Variants in RTL4 observed in about 807,000 individuals in gnomAD.
RTL4 encodes retrotransposon Gag-like protein 4.
A neutral mutation model predicts 5.3 loss-of-function variants in RTL4; 4 were observed. The observed-to-expected ratio is 0.75, with a 90% confidence interval of 0.37 to 1.72. RTL4 has a LOEUF of 1.72. Among genes scored for constraint, RTL4 ranks in the 40% most tolerant of loss-of-function variants. The pLI, the probability that RTL4 is intolerant of heterozygous loss-of-function variation, is 0.04. For synonymous variants in RTL4, 98 were observed against 87.3 expected (o/e 1.12, Z -0.68); for missense variants, 260 against 227.1 (o/e 1.14, Z -0.93).
chrX:112,269,145 C>A, the RTL4 span, among the ~76,000 whole-genome samples: 1 of 112,143 alleles, frequency 8.9e-6, no homozygotes, highest in Non-Finnish European at 1.9e-5. Context: ...GGATAATAGT[C>A]CATGTAAACT....
At chrX:112,196,541 GT>G in the RTL4 span, among the ~76,000 whole-genome samples, 2 of 110,711 alleles carry the variant, frequency 1.8e-5, no homozygotes, top group African/African-American at 3.3e-5. Context: ...TTGCATACTA[GT>G]TTTTTTTTAA....
At chrX:112,178,693 C>T in the RTL4 span, among the ~76,000 whole-genome samples, 2 of 111,524 alleles carry the variant, frequency 1.8e-5, no homozygotes, top group African/African-American at 6.5e-5. Flanking sequence ...TGTGATAGCA[C>T]CTGCGAATTG....
the RTL4 span, among the ~76,000 whole-genome samples, chrX:112,132,071 G>A: frequency 9.0e-6 from 1 of 111,532 alleles, no homozygotes; most frequent in East Asian, 2.8e-4. Flanking sequence ...TGTCTCTAGA[G>A]CCCATAATTT....
chrX:112,212,339 G>A, the RTL4 span, among the ~76,000 whole-genome samples: 1 of 111,626 alleles, frequency 9.0e-6, no homozygotes, highest in Non-Finnish European at 1.9e-5. Context: ...ACGCGCCACT[G>A]CACTCCAGCC....
chrX:112,247,919 C>T, the RTL4 span, among the ~76,000 whole-genome samples: 878 of 112,216 alleles, frequency 7.8e-3, 4 homozygotes, highest in Admixed American at 0.021. Context: ...CCTTGCAGAA[C>T]TGGGTGTATC....
chrX:112,341,177 A>G, the RTL4 span, among the ~76,000 whole-genome samples: 1 of 110,851 alleles, frequency 9.0e-6, no homozygotes, highest in Non-Finnish European at 1.9e-5. Context: ...AAAAAAAAAA[A>G]TGCAATTGTC....
chrX:112,324,702 C>T, the RTL4 span, among the ~76,000 whole-genome samples: 3 of 111,135 alleles, frequency 2.7e-5, no homozygotes, highest in East Asian at 2.8e-4. Flanking sequence ...TTTCTCCTCT[C>T]GTGATCAGAA....
chrX:112,256,996 C>G, the RTL4 span, among the ~76,000 whole-genome samples: 7 of 111,275 alleles, frequency 6.3e-5, no homozygotes, highest in Non-Finnish European at 1.3e-4. Context: ...ATTTCATCAT[C>G]TTGTTTAATT....
At chrX:112,397,299 G>A in the RTL4 span, among the ~76,000 whole-genome samples, 2 of 111,624 alleles carry the variant, frequency 1.8e-5, no homozygotes, top group Admixed American at 9.5e-5. Flanking sequence ...AATACCTAAT[G>A]CAGAGTAAAT....
chrX:112,449,884 C>T (rs1926705096), upstream of RTL4, among the ~76,000 whole-genome samples: 1 of 112,029 alleles, frequency 8.9e-6, no homozygotes, highest in Non-Finnish European at 1.9e-5. Flanking sequence ...AGTGACTTGC[C>T]CATGTGGCCA....
chrX:112,169,029 TTTCTTTCTTTCTTTC>T, the RTL4 span, among the ~76,000 whole-genome samples: 56 of 28,082 alleles, frequency 2.0e-3, no homozygotes, highest in African/African-American at 5.5e-3. Flanking sequence ...TCTCTTTCTC[TTTCTTTCTTTCTTTC>T]TTTCTTTCTT....
chrX:112,178,978 G>A, the RTL4 span, among the ~76,000 whole-genome samples: 10 of 112,031 alleles, frequency 8.9e-5, no homozygotes, highest in Admixed American at 4.8e-4. Flanking sequence ...AAAGAAAAAC[G>A]TGATTGGTTG....
At chrX:112,182,824 G>A in the RTL4 span, among the ~76,000 whole-genome samples, 154 of 111,610 alleles carry the variant, frequency 1.4e-3, 1 homozygote, top group Non-Finnish European at 2.4e-3. Context: ...ATACCCCAAA[G>A]ATATTCCTGG....
At chrX:112,256,956 C>A in the RTL4 span, among the ~76,000 whole-genome samples, 2 of 111,503 alleles carry the variant, frequency 1.8e-5, no homozygotes, top group African/African-American at 3.2e-5. Flanking sequence ...ATGTCAGCTT[C>A]ATTTTTTCTT....
At chrX:112,184,751 G>A in the RTL4 span, among the ~76,000 whole-genome samples, 13 of 112,000 alleles carry the variant, frequency 1.2e-4, no homozygotes, top group South Asian at 3.7e-4. Flanking sequence ...ACAAGAATTC[G>A]TCAGAGATCT....
At chrX:112,199,520 G>C in the RTL4 span, among the ~76,000 whole-genome samples, 1 of 110,998 alleles carries the variant, frequency 9.0e-6, no homozygotes, top group African/African-American at 3.3e-5. Flanking sequence ...GGTGGGTGGA[G>C]GAGGCCCCAT....
At chrX:112,157,492 C>T in the RTL4 span, among the ~76,000 whole-genome samples, 1 of 111,395 alleles carries the variant, frequency 9.0e-6, no homozygotes, top group Non-Finnish European at 1.9e-5. Flanking sequence ...ACCCTAAACT[C>T]TCAGCTCGTC....
chrX:112,420,542 G>A, the RTL4 span, among the ~76,000 whole-genome samples: 29 of 111,627 alleles, frequency 2.6e-4, 1 homozygote, highest in Admixed American at 2.8e-3. Flanking sequence ...AAACAGACCT[G>A]ATTTATATCC....
chrX:112,093,590 A>T, the RTL4 span, among the ~76,000 whole-genome samples: 1 of 111,996 alleles, frequency 8.9e-6, no homozygotes, highest in African/African-American at 3.2e-5. Context: ...TATAGCTGTT[A>T]TTGGTACCTG....
Sources: allele counts gnomAD v4.1 joint callset (sites outside exome capture counted in the v4.1 genomes callset), GRCh38; gene constraint gnomAD v4.1.1; transcripts MANE v1.5; gene names NCBI Gene and HGNC (gene_info 2026-07-23, HGNC 2026-07-21).